The following RAB44 variants were observed in gnomAD, a reference collection of about 807,000 sequenced individuals.
RAB44 encodes the protein RAB44, member RAS oncogene family, also known as ras-related protein Rab-44.
RAB44 carries 67 observed loss-of-function variants against 93.3 expected under a neutral mutation model. The ratio of observed to expected loss-of-function variants is 0.72; its 90% CI spans 0.59 to 0.88. RAB44 has a LOEUF of 0.88. RAB44 is among the 40% of genes least tolerant of loss of function. RAB44 has a pLI of 0.00. For missense variants in RAB44, 1,064 were observed against 1,261.7 expected (o/e 0.84, Z 2.37); for synonymous variants, 427 against 520.3 (o/e 0.82, Z 2.44).
Position 36,720,360 on chromosome 6 carries a change from C to T in RAB44, c.829-3C>T. 8.1e-7 allele frequency: 1 copy of T among 1,232,350 alleles called. No individual in the cohort carries two copies. The highest frequency in any genetic ancestry group is 3.2e-5 in the East Asian group (1 of 31,708). The allele number at this position is 1,232,350 out of a possible 1,614,324, so 76.3% of individuals were successfully genotyped here. A position where few individuals can be genotyped will look rare whatever the true frequency, so the allele number is the denominator to read the frequency against. ...TCTCTCCGCCTCACCCTCCACCCTG[C>T]AGCTGGAGGCCCAGCTCTCCCACCT... is the stretch of plus-strand genomic sequence containing the variant. On this transcript the variant is annotated splice_polypyrimidine_tract_variant and splice_region_variant and intron_variant, in intron 7 of 13. Coordinates refer to ENST00000612677, the MANE Select transcript of RAB44 (RefSeq NM_001257357.2).
intron 11 of RAB44, among the ~76,000 whole-genome samples, chr6:36,728,468 C>G (rs1244629411): frequency 5.3e-5 from 8 of 152,076 alleles, no homozygotes; most frequent in Non-Finnish European, 1.2e-4. Flanking sequence ...GCAGGAACAA[C>G]CCAGGAAGGC....
intron 13 of RAB44, 106 bp downstream of exon 13, chr6:36,730,855 C>A: frequency 2.0e-6 from 1 of 505,122 alleles, no homozygotes; most frequent in Non-Finnish European, 3.0e-6. Context: ...AAGGCCCATT[C>A]TGAGGAAATG....
Position 36,727,674 on chromosome 6 carries a change from T to C in RAB44, c.2779T>C (p.Trp927Arg). 2 of 1,550,126 alleles carry C rather than the reference T, an allele frequency of 1.3e-6. No individual in the cohort carries two copies. Reference protein sequence around the residue: ...SQESFAHVRYWLDCLQDAGSD... With the variant: ...SQESFAHVRYRLDCLQDAGSD... The stretch of plus-strand genomic sequence containing the variant: ...GGAGAGCTTTGCCCACGTGCGCTAC[T>C]GGCTAGACTGTCTCCAGGTGAGCAG... Residue 927 changes from tryptophan (W) to arginine (R), a missense_variant, in exon 11 of 14, where the codon TGG becomes CGG. Coordinates refer to ENST00000612677, the MANE Select transcript of RAB44 (RefSeq NM_001257357.2).
Position 36,713,790 on chromosome 6 carries a change from C to T in RAB44, c.208-38C>T, listed in dbSNP as rs538629366. 106 of 1,321,806 alleles carry T rather than the reference C, an allele frequency of 8.0e-5. No individual in the cohort carries two copies. In the African/African-American group the frequency reaches 1.2e-3, roughly 16 times the overall value. 81.9% of individuals were successfully genotyped at this position (1,321,806 alleles called of 1,614,324 possible). ...CGTTTTGGAGGGTGAGAGCCTTCCC[C>T]GGTGGGAACACCTGCCCAACTTGCC... On this transcript the variant is annotated intron_variant, in intron 2 of 13. Transcript: ENST00000612677.
At chr6:36,703,926 G>A (rs950570389) in intron 1 of RAB44, among the ~76,000 whole-genome samples, 25 of 152,180 alleles carry the variant, frequency 1.6e-4, no homozygotes, top group African/African-American at 7.2e-5. Context: ...TCTAATGGTC[G>A]GAGAAGACTT....
At chr6:36,728,625 A>C (rs1763291212) in intron 11 of RAB44, 75 bp from the exon 12 acceptor site, 2 of 1,215,018 alleles carry the variant, frequency 1.6e-6, no homozygotes, top group Admixed American at 4.0e-5. Flanking sequence ...GACACAGTTC[A>C]GCTTCTAGGA....
At chr6:36,725,196 G>A (rs540368200) in intron 9 of RAB44, among the ~76,000 whole-genome samples, 174 of 152,128 alleles carry the variant, frequency 1.1e-3, no homozygotes, top group African/African-American at 4.0e-3. Flanking sequence ...TTGAGATGGA[G>A]TTTCACTCTC....
chr6:36,699,247 G>C (rs1762455884), intron 1 of RAB44, among the ~76,000 whole-genome samples: 1 of 152,128 alleles, frequency 6.6e-6, no homozygotes, highest in African/African-American at 2.4e-5. Flanking sequence ...AAAAATGCCA[G>C]GGGACTGCTG....
intron 13 of RAB44, among the ~76,000 whole-genome samples, 199 bp downstream of exon 13, chr6:36,730,948 A>C (rs1456255453): frequency 6.6e-6 from 1 of 152,080 alleles, no homozygotes; most frequent in Non-Finnish European, 1.5e-5. Context: ...TCCTGACTCC[A>C]GCTCTGCCCT....
chr6:36,717,378 G>A lies in RAB44; in HGVS notation c.600G>A (p.Glu200=), dbSNP rs1762947780. The A allele has an allele frequency of 8.1e-7, 1 of 1,232,096 alleles. No homozygotes were observed. Among genetic ancestry groups the A allele is most frequent in the Non-Finnish European group, 1.0e-6 (1 of 988,022 alleles). 76.3% of individuals were successfully genotyped at this position (1,232,096 alleles called of 1,614,324 possible). A position where few individuals can be genotyped will look rare whatever the true frequency, so the allele number is the denominator to read the frequency against. ...CCAAGATGACCAGCCGCCTGCAGGA[G>A]GCCCAGGCGGACAAGGAGGCCCTGG... is the stretch of plus-strand genomic sequence containing the variant. ...FLAKMTSRLQ[E]AQADKEALEL... is the part of the protein sequence containing the mutation. The change falls in exon 5 of 14, where the codon GAG becomes GAA. Residue 200 remains glutamate, a synonymous_variant. Coordinates refer to ENST00000612677, the MANE Select transcript of RAB44 (RefSeq NM_001257357.2). The surrounding 1 kb of genome is among the most constrained non-coding windows in gnomAD (Gnocchi z 4.1).
chr6:36,698,283 T>C (rs1415688245), intron 1 of RAB44, among the ~76,000 whole-genome samples: 2 of 152,156 alleles, frequency 1.3e-5, no homozygotes, highest in South Asian at 2.1e-4. Flanking sequence ...GTGGCTATTA[T>C]TTACAGCTAT....
intron 2 of RAB44, among the ~76,000 whole-genome samples, chr6:36,710,969 C>G (rs539867183): frequency 1.3e-5 from 2 of 152,088 alleles, no homozygotes; most frequent in Non-Finnish European, 1.5e-5. Flanking sequence ...TTTAACATTA[C>G]CTAAAGATAT....
chr6:36,707,310 T>A (rs779185567), intron 2 of RAB44, among the ~76,000 whole-genome samples: 53 of 150,416 alleles, frequency 3.5e-4, no homozygotes, highest in Non-Finnish European at 7.2e-4. Context: ...TAAGCCGAGA[T>A]CAAGCCACTG....
intron 2 of RAB44, among the ~76,000 whole-genome samples, chr6:36,708,515 T>G (rs1402879041): frequency 6.6e-6 from 1 of 152,140 alleles, no homozygotes; most frequent in African/African-American, 2.4e-5. Flanking sequence ...TTAGAGAAGA[T>G]TTAGGCACTA....
Position 36,722,451 on chromosome 6 carries a change from G to T in RAB44, c.2317G>T (p.Ala773Ser), listed in dbSNP as rs1763115579. The T allele has an allele frequency of 6.9e-7, 1 of 1,441,682 alleles. No individual in the cohort carries two copies. The highest frequency in any genetic ancestry group is 9.1e-7 in the Non-Finnish European group (1 of 1,100,986). The allele number at this position is 1,441,682 out of a possible 1,614,324, so 89.3% of individuals were successfully genotyped here. ...QTPPTMAEQE[A>S]QPRPSLTTAH... ...CCCTCCCACCATGGCTGAGCAGGAA[G>T]CCCAACCCAGGCCATCCCTCACGAC... is the stretch of plus-strand genomic sequence containing the variant. The change falls in exon 9 of 14, where the codon GCC (alanine) becomes TCC (serine). Residue 773 changes from alanine (A) to serine (S), a missense_variant. Coordinates refer to ENST00000612677, the MANE Select transcript of RAB44 (RefSeq NM_001257357.2).
Position 36,727,588 on chromosome 6 carries a change from T to C in RAB44, c.2693T>C (p.Met898Thr), listed in dbSNP as rs1301690097. 1 of 1,550,430 alleles carries C rather than the reference T, an allele frequency of 6.4e-7. No individual in the cohort carries two copies. The highest frequency in any genetic ancestry group is 1.2e-5 in the South Asian group (1 of 84,062). The change falls in exon 11 of 14, where the codon ATG becomes ACG. Residue 898 changes from methionine (M) to threonine (T), a missense_variant. Physicochemically the swap from Met to Thr is moderately conservative, Grantham distance 81. Transcript: ENST00000612677. ...GACTCTCTGGGCAGGTACCACAGTA[T>C]GACGCGACAGCTGCTCCGCAAGGCT... ...DTAGQERYHS[M>T]TRQLLRKADG...
chr6:36,713,853 G>T lies in RAB44; in HGVS notation c.233G>T (p.Ser78Ile). 1.3e-6 allele frequency: 2 copies of T among 1,536,012 alleles called. No individual in the cohort carries two copies. The highest frequency in any genetic ancestry group is 2.4e-5 in the South Asian group (2 of 84,060). Reference protein sequence around the residue: ...LAVAKFSFLGSKEESEMIFDW... With the variant: ...LAVAKFSFLGIKEESEMIFDW... ...GTGGCCAAGTTCAGCTTCCTGGGCA[G>T]CAAGGAAGAGTCAGAGATGATCTTC... Residue 78 changes from serine to isoleucine, a missense_variant, in exon 3 of 14, where the codon AGC becomes ATC. Transcript: ENST00000612677.
intron 2 of RAB44, among the ~76,000 whole-genome samples, chr6:36,708,522 A>G (rs754234512): frequency 2.0e-5 from 3 of 152,316 alleles, no homozygotes; most frequent in Non-Finnish European, 2.9e-5. Flanking sequence ...AGATTTAGGC[A>G]CTAGATTAAG....
At chr6:36,728,567 T>A in intron 11 of RAB44, 133 bp from the exon 12 acceptor site, 1 of 682,144 alleles carries the variant, frequency 1.5e-6, no homozygotes, top group Middle Eastern at 2.6e-4. Flanking sequence ...AGGGTCCAGG[T>A]GAGAAGGTTA....
Sources: gnomAD v4.1 joint callset for allele counts (sites outside exome capture counted in the v4.1 genomes callset) on GRCh38, gnomAD v4.1.1 for gene constraint, Gnocchi (gnomAD v3.1) non-coding constraint, MANE v1.5 for transcripts, NCBI Gene and HGNC (gene_info 2026-07-23, HGNC 2026-07-21) for gene names.